The following TRAF3IP2 variants were observed in gnomAD, a reference collection of about 807,000 sequenced individuals.
TRAF3IP2 encodes TRAF3 interacting protein 2, also known as E3 ubiquitin ligase TRAF3IP2.
In TRAF3IP2, 35 loss-of-function variants were observed where a neutral mutation model predicts 57.9. The ratio of observed to expected loss-of-function variants is 0.60; its 90% CI spans 0.46 to 0.80. The LOEUF (loss-of-function observed/expected upper bound fraction) is 0.80, where lower values mean the gene tolerates loss of function less well. Ranked by LOEUF, TRAF3IP2 falls within the 30% of genes least tolerant of loss-of-function variation. TRAF3IP2 has a pLI of 0.00. For missense variants in TRAF3IP2, 556 were observed against 706.4 expected, an observed-to-expected ratio of 0.79 and a Z score of 2.41; for synonymous variants, 251 against 268.9, an observed-to-expected ratio of 0.93 and a Z score of 0.65.
chr6:111,566,063 T>C (rs747148735), intron 7 of TRAF3IP2, among the ~76,000 whole-genome samples: 1 of 151,946 alleles, frequency 6.6e-6, no homozygotes, highest in Non-Finnish European at 1.5e-5. Context: ...TCTGAAAAGG[T>C]AGGGCACAGA....
In TRAF3IP2 at chr6:111,563,561, C is replaced by T. The variant is rs567322822; in HGVS notation, c.1477-522G>A. Among the ~76,000 whole-genome samples, 187 of 152,236 alleles carry T rather than the reference C, an allele frequency of 1.2e-3. 1 individual carries two copies. The highest frequency in any genetic ancestry group is 3.4e-3 in the Middle Eastern group (1 of 294). On this transcript the variant is annotated intron_variant, in intron 7 of 8. Coordinates refer to ENST00000368761, the MANE Select transcript of TRAF3IP2 (RefSeq NM_147686.4). ...GCCGGGTGAAAAGTATTAACAATTG[C>T]TCTAGAAGCCCAGAATGGGGGCCAT...
chr6:111,594,655 C>T, intron 1 of TRAF3IP2: 1 of 328,188 alleles, frequency 3.0e-6, no homozygotes, highest in South Asian at 2.4e-5. Context: ...TGGCTCACAC[C>T]TGTAACCCCA....
chr6:111,582,035 G>A (rs1213726489), intron 2 of TRAF3IP2, among the ~76,000 whole-genome samples: 1 of 152,184 alleles, frequency 6.6e-6, no homozygotes, highest in Non-Finnish European at 1.5e-5. Flanking sequence ...AGCCATCTAC[G>A]TTTTCAAAGG....
chr6:111,605,009 G>C (rs993211329), intron 1 of TRAF3IP2, among the ~76,000 whole-genome samples: 1 of 151,920 alleles, frequency 6.6e-6, no homozygotes, highest in African/African-American at 2.4e-5. Context: ...CTAAGTCATG[G>C]AACCACAAGA....
chr6:111,573,653 C>A (rs977545020), intron 4 of TRAF3IP2: 1 of 152,078 alleles, frequency 6.6e-6, no homozygotes, highest in African/African-American at 2.4e-5. Context: ...CATCACTCAT[C>A]CCTGGGTCAG....
intron 2 of TRAF3IP2, 71 bp from the exon 3 acceptor site, chr6:111,580,460 C>T: frequency 7.1e-7 from 1 of 1,402,118 alleles, no homozygotes; most frequent in East Asian, 2.4e-5. Flanking sequence ...GAGTCATAAG[C>T]TCCATGCTCA....
intron 6 of TRAF3IP2, 45 bp from the exon 7 acceptor site, chr6:111,566,605 C>G: frequency 6.4e-7 from 1 of 1,552,582 alleles, no homozygotes; most frequent in South Asian, 1.1e-5. Flanking sequence ...AGTGTACCAG[C>G]AGGACTGTGG....
chr6:111,601,099 C>T, intron 1 of TRAF3IP2: 1 of 670,158 alleles, frequency 1.5e-6, no homozygotes, highest in Non-Finnish European at 2.8e-6. Flanking sequence ...CGGTTGGGAG[C>T]ACTGACTGGT....
chr6:111,556,193 C>CGT lies in TRAF3IP2; in HGVS notation c.*3210_*3211dup, dbSNP rs373509113. Among the ~76,000 whole-genome samples the CGT allele has an allele frequency of 1.9e-4, 28 of 150,550 alleles. No homozygotes were observed. The highest frequency in any genetic ancestry group is 6.1e-4 in the African/African-American group (25 of 40,992). ...CAAGCTTTTGTCACTTGGCCAAGTG[C>CGT]GTGTGTGTGTGTATGTGTGCGTGTG... On this transcript the variant is annotated 3_prime_UTR_variant, in exon 9 of 9. Transcript: ENST00000368761.
rs143510947 is a variant in TRAF3IP2 at position 111,605,037 on chromosome 6, C to G, written c.-9+739G>C. On this transcript the variant is annotated intron_variant, in intron 1 of 8. Transcript: ENST00000368761. ...CCACAAGAAGTGAAGAACTTGAAAC[C>G]AAGTTTCTTGTCCTTTTAAAAAATT... Among the ~76,000 whole-genome samples the G allele has an allele frequency of 7.4e-4, 112 of 151,950 alleles. 2 individuals are homozygous for G. In the East Asian group the frequency reaches 0.019, roughly 25 times the overall value.
chr6:111,587,230 T>C (rs1796367338), intron 2 of TRAF3IP2: 1 of 152,188 alleles, frequency 6.6e-6, no homozygotes, highest in Non-Finnish European at 1.5e-5. Flanking sequence ...ACCTGTTTGC[T>C]ATTTTTATTT....
intron 5 of TRAF3IP2, among the ~76,000 whole-genome samples, chr6:111,571,274 C>T (rs1795823702): frequency 1.3e-5 from 2 of 152,070 alleles, no homozygotes; most frequent in African/African-American, 4.8e-5. Context: ...GATAGGGTTT[C>T]ACTATGTTGT....
In TRAF3IP2 at chr6:111,556,206, ATGTGTGCGTGTGTGTGTGTGTGTC is replaced by A. The variant is rs1795236056; in HGVS notation, c.*3175_*3198del. On this transcript the variant is annotated 3_prime_UTR_variant, in exon 9 of 9. Transcript: ENST00000368761. The stretch of plus-strand genomic sequence containing the variant: ...CTTGGCCAAGTGCGTGTGTGTGTGT[ATGTGTGCGTGTGTGTGTGTGTGTC>A]TGTGTGTACTTTTTGGTTTGTTTTT... Among the ~76,000 whole-genome samples the A allele has an allele frequency of 6.6e-6, 1 of 150,654 alleles. No individual in the cohort carries two copies. Among genetic ancestry groups the A allele is most frequent in the Admixed American group, 6.6e-5 (1 of 15,142 alleles).
At chr6:111,602,767 G>GA (rs1433058217) in intron 1 of TRAF3IP2, among the ~76,000 whole-genome samples, 1 of 152,034 alleles carries the variant, frequency 6.6e-6, no homozygotes, top group Non-Finnish European at 1.5e-5. Flanking sequence ...AGGGGAAAGG[G>GA]AAAAAACACT....
chr6:111,559,206 A>G lies in TRAF3IP2; in HGVS notation c.*199T>C. 1 of 606,560 alleles carries G rather than the reference A, an allele frequency of 1.6e-6. No individual in the cohort carries two copies. The highest frequency in any genetic ancestry group is 2.7e-6 in the Non-Finnish European group (1 of 363,930). 37.6% of individuals were successfully genotyped at this position (606,560 alleles called of 1,614,324 possible). A position where few individuals can be genotyped will look rare whatever the true frequency, so the allele number is the denominator to read the frequency against. On this transcript the variant is annotated 3_prime_UTR_variant, in exon 9 of 9. Transcript: ENST00000368761. ...AAAGCAGAGAATGCAGAGCAGTCAC[A>G]GACTCCACTTCAAAGCCAGGGTGTG...
intron 7 of TRAF3IP2, among the ~76,000 whole-genome samples, chr6:111,564,484 C>T (rs1795558462): frequency 6.6e-6 from 1 of 152,204 alleles, no homozygotes; most frequent in Admixed American, 6.5e-5. Flanking sequence ...TTTTCTCTCA[C>T]CCTTCCAGAA....
At chr6:111,562,844 C>CAA (rs931683636) in intron 8 of TRAF3IP2, 121 bp downstream of exon 8, 1,014 of 596,560 alleles carry the variant, frequency 1.7e-3, no homozygotes, top group East Asian at 5.9e-3. Context: ...GACTCCATCT[C>CAA]AAAAAAAAAA....
Position 111,584,653 on chromosome 6 carries a change from AAAAG to A in TRAF3IP2, c.830-4268_830-4265del, listed in dbSNP as rs376748525. On this transcript the variant is annotated intron_variant, in intron 2 of 8. Transcript: ENST00000368761. ...CTCTACAAAAAAATACCAAAAAAAA[AAAAG>A]AAACAAGAAAAGTTGCTAAATAAAA... 6.6e-5 allele frequency among the ~76,000 whole-genome samples: 10 copies of A among 152,110 alleles called. 1 individual carries two copies. The highest frequency in any genetic ancestry group is 1.3e-4 in the Admixed American group (2 of 15,278).
At chr6:111,573,140 T>C (rs1189014582) in intron 4 of TRAF3IP2, among the ~76,000 whole-genome samples, 157 bp from the exon 5 acceptor site, 1 of 152,232 alleles carries the variant, frequency 6.6e-6, no homozygotes, top group Non-Finnish European at 1.5e-5. Flanking sequence ...TTGTATGCTG[T>C]CCTCAGGGCA....
Sources: allele counts gnomAD v4.1 joint callset (sites outside exome capture counted in the v4.1 genomes callset), GRCh38; gene constraint gnomAD v4.1.1; transcripts MANE v1.5; gene names NCBI Gene and HGNC (gene_info 2026-07-23, HGNC 2026-07-21).